ALOX12: variants seen among roughly 807,000 people sequenced by gnomAD.
ALOX12 encodes arachidonate 12-lipoxygenase, 12S type.
A neutral mutation model predicts 85.5 loss-of-function variants in ALOX12; 62 were observed. That is an observed-to-expected ratio of 0.73 (90% CI 0.59 to 0.90). The LOEUF is 0.90. Ranked by LOEUF, ALOX12 falls within the 40% of genes least tolerant of loss-of-function variation. The pLI is 0.00. For missense variants in ALOX12, 751 were observed against 856.5 expected (o/e 0.88, Z 1.54); for synonymous variants, 299 against 332.7 (o/e 0.90, Z 1.10).
intron 2 of ALOX12, 190 bp downstream of exon 2, chr17:6,997,217 TAA>T: frequency 1.1e-6 from 1 of 878,696 alleles, no homozygotes; most frequent in Non-Finnish European, 1.4e-6. Flanking sequence ...TTACACAGGC[TAA>T]GAGAGGCTGC....
chr17:7,009,581 C>T, intron 11 of ALOX12, 166 bp from the exon 12 acceptor site: 1 of 630,986 alleles, frequency 1.6e-6, no homozygotes, highest in Non-Finnish European at 2.8e-6. Context: ...CCTATGGTAA[C>T]TAAGTGTAAG....
chr17:7,006,028 G>A lies in ALOX12; in HGVS notation c.1418+1G>A, dbSNP rs1443871850. 7.3e-7 allele frequency: 1 copy of A among 1,361,100 alleles called. No homozygotes were observed. Among genetic ancestry groups the A allele is most frequent in the Non-Finnish European group, 9.8e-7 (1 of 1,021,458 alleles). The allele number at this position is 1,361,100 out of a possible 1,614,324, so 84.3% of individuals were successfully genotyped here. ...TACGGCTCTGGGAGATCATTGCCAG[G>A]TGAGTAAGGAGGAGCTGAGAAATGG... On this transcript the variant is annotated splice_donor_variant, in intron 10 of 13. Transcript: ENST00000251535. LOFTEE classifies it high-confidence loss of function.
Position 7,006,476 on chromosome 17 carries a change from C to T in ALOX12, c.1419-10C>T, listed in dbSNP as rs1359920600. On this transcript the variant is annotated splice_polypyrimidine_tract_variant and intron_variant, in intron 10 of 13. Coordinates refer to ENST00000251535, the MANE Select transcript of ALOX12 (RefSeq NM_000697.3). ...CTTTCTGCCCTCAAGTGCCTTTTCC[C>T]CCTGGGCAGGTATGTGGAGGGGATC... The T allele has an allele frequency of 1.9e-6, 3 of 1,613,428 alleles. No individual in the cohort carries two copies. The highest frequency in any genetic ancestry group is 1.7e-6 in the Non-Finnish European group (2 of 1,179,886).
chr17:6,999,232 AC>A (rs1908592263), intron 5 of ALOX12, 73 bp from the exon 6 acceptor site: 5 of 1,594,204 alleles, frequency 3.1e-6, no homozygotes, highest in Non-Finnish European at 4.3e-6. Flanking sequence ...ATATACCTGA[AC>A]CCCTGGGGTA....
Position 7,005,306 on chromosome 17 carries a change from G to A in ALOX12, c.1211G>A (p.Arg404Gln), listed in dbSNP as rs147158964. 3.9e-3 allele frequency: 6,344 copies of A among 1,613,686 alleles called. 28 individuals carry two copies. Among genetic ancestry groups the A allele is most frequent in the Non-Finnish European group, 4.5e-3 (5,276 of 1,179,770 alleles). ...RYTMEINTRA[R>Q]TQLISDGGIF... ...ACCATGGAAATCAACACCCGGGCCC[G>A]GACCCAACTCATCTCAGATGGAGGA... The change falls in exon 9 of 14, where the codon CGG becomes CAG. Residue 404 changes from arginine (R) to glutamine (Q), a missense_variant. By Grantham distance (43) the Arg-to-Gln change is conservative. Transcript: ENST00000251535.
intron 11 of ALOX12, 139 bp downstream of exon 11, chr17:7,006,746 C>A: frequency 1.7e-6 from 2 of 1,153,740 alleles, no homozygotes; most frequent in Non-Finnish European, 2.4e-6. Context: ...GCATGTGTAT[C>A]CCATTCCCAC....
rs1444054640 is a variant in ALOX12 at position 7,009,924 on chromosome 17, C to A, written c.1642-32C>A. On this transcript the variant is annotated intron_variant, in intron 12 of 13. Transcript: ENST00000251535. ...AGATGGGAGTTCAAACCCTAAGTAC[C>A]AGGGTTCTAGGGTTACAGTTTCTTC... 2.5e-6 allele frequency: 4 copies of A among 1,613,986 alleles called. No individual in the cohort carries two copies. In the Admixed American group the frequency reaches 6.7e-5, roughly 27 times the overall value.
chr17:6,999,617 GT>G (rs1908613377), intron 6 of ALOX12, 151 bp downstream of exon 6: 1 of 775,884 alleles, frequency 1.3e-6, no homozygotes, highest in Non-Finnish European at 2.0e-6. Flanking sequence ...AATAAAATAT[GT>G]AGGGGAAGAA....
At position 7,004,847 on chromosome 17, in the gene ALOX12, C is replaced by T. The variant is rs117098897; in HGVS notation, c.1162-410C>T. Among the ~76,000 whole-genome samples the T allele has an allele frequency of 5.9e-5, 9 of 152,226 alleles. No homozygotes were observed. In the East Asian group the frequency reaches 1.5e-3, roughly 26 times the overall value. On this transcript the variant is annotated intron_variant, in intron 8 of 13. Coordinates refer to ENST00000251535, the MANE Select transcript of ALOX12 (RefSeq NM_000697.3). ...TCAGAAAGGGCTGATTCATAAGGCA[C>T]CTATACTCAAGGTAGAAACAATGAA...
chr17:7,001,384 C>A (rs1006570408), intron 7 of ALOX12: 11 of 582,410 alleles, frequency 1.9e-5, no homozygotes, highest in African/African-American at 1.9e-4. Flanking sequence ...ACTGTTAGGG[C>A]CTCCTTCTGG....
intron 11 of ALOX12, among the ~76,000 whole-genome samples, chr17:7,007,745 G>A (rs199879692): frequency 4.6e-5 from 7 of 152,262 alleles, no homozygotes; most frequent in Non-Finnish European, 7.4e-5. Context: ...GCCAGGCGTC[G>A]TGGCACGCAC....
chr17:7,005,784 G>A, intron 9 of ALOX12, 74 bp from the exon 10 acceptor site: 1 of 1,516,264 alleles, frequency 6.6e-7, no homozygotes, highest in East Asian at 2.3e-5. Context: ...TCCCACATTT[G>A]CCCCACTTTA....
At position 7,005,907 on chromosome 17, in the gene ALOX12, C is replaced by T. The variant is rs1909023109; in HGVS notation, c.1298C>T (p.Ala433Val). The change falls in exon 10 of 14, where the codon GCA (alanine) becomes GTA (valine). Residue 433 changes from alanine (A) to valine (V), a missense_variant. Physicochemically the swap from Ala to Val is moderately conservative, Grantham distance 64. Transcript: ENST00000251535. ...CATGTACAGTTGCTCCGTCGGGCGG[C>T]AGCTCAGCTGACCTACTGCTCCCTC... Reference protein sequence around the residue: ...GGHVQLLRRAAAQLTYCSLCP... With the variant: ...GGHVQLLRRAVAQLTYCSLCP... The T allele has an allele frequency of 1.2e-6, 2 of 1,613,634 alleles. No individual in the cohort carries two copies. The highest frequency in any genetic ancestry group is 1.3e-5 in the African/African-American group (1 of 74,984).
At chr17:7,009,879 G>A (rs1909296609) in intron 12 of ALOX12, 32 bp downstream of exon 12, 2 of 1,613,878 alleles carry the variant, frequency 1.2e-6, no homozygotes, top group Non-Finnish European at 1.7e-6. Context: ...GGTCCCTGAA[G>A]GCAAGGTGAC....
Position 7,006,059 on chromosome 17 carries a change from C to CGGGGGG in ALOX12, c.1418+32_1418+33insGGGGGG, listed in dbSNP as rs1491546294. 4.2e-4 allele frequency: 57 copies of CGGGGGG among 135,678 alleles called. 12 individuals carry two copies. Among genetic ancestry groups the CGGGGGG allele is most frequent in the East Asian group, 3.1e-3 (8 of 2,612 alleles). 8.4% of individuals were successfully genotyped at this position (135,678 alleles called of 1,614,324 possible). A position where few individuals can be genotyped will look rare whatever the true frequency, so the allele number is the denominator to read the frequency against. On this transcript the variant is annotated intron_variant, in intron 10 of 13. Transcript: ENST00000251535. The stretch of plus-strand genomic sequence containing the variant: ...AAGGAGGAGCTGAGAAATGGTGGGG[C>CGGGGGG]CGGGGGGGGGGGGGGCTCTGGCCTG...
At chr17:7,004,634 G>A (rs1221394911) in intron 8 of ALOX12, among the ~76,000 whole-genome samples, 2 of 151,934 alleles carry the variant, frequency 1.3e-5, no homozygotes, top group Non-Finnish European at 2.9e-5. Context: ...AAGTAGGGGT[G>A]GAGAAAGATT....
At chr17:7,007,989 T>TGAGA (rs1441329042) in intron 11 of ALOX12, among the ~76,000 whole-genome samples, 1 of 152,196 alleles carries the variant, frequency 6.6e-6, no homozygotes, top group Non-Finnish European at 1.5e-5. Context: ...CAGGTTCTGG[T>TGAGA]GAGACCCCTC....
In ALOX12 at chr17:7,005,853, C is replaced by G. The variant is rs768159638; in HGVS notation, c.1249-5C>G. 1 of 1,610,812 alleles carries G rather than the reference C, an allele frequency of 6.2e-7. No homozygotes were observed. Among genetic ancestry groups the G allele is most frequent in the Non-Finnish European group, 8.5e-7 (1 of 1,179,448 alleles). ...CCCTCTAAGACCTGTGATCTCCTGTCCCAGGCAGTGAGCACAGGTGGAGGG... is the reference window on the plus strand; with the variant it reads ...CCCTCTAAGACCTGTGATCTCCTGTGCCAGGCAGTGAGCACAGGTGGAGGG... On this transcript the variant is annotated splice_region_variant and splice_polypyrimidine_tract_variant and intron_variant, in intron 9 of 13. Transcript: ENST00000251535.
At chr17:6,997,869 A>T (rs576933153) in intron 2 of ALOX12, among the ~76,000 whole-genome samples, 3 of 152,188 alleles carry the variant, frequency 2.0e-5, no homozygotes, top group African/African-American at 7.2e-5. Context: ...CCAAATAGTG[A>T]ATTTTTAACC....
Sources: gnomAD v4.1 joint callset for allele counts (sites outside exome capture counted in the v4.1 genomes callset) on GRCh38, gnomAD v4.1.1 for gene constraint, MANE v1.5 for transcripts, NCBI Gene and HGNC (gene_info 2026-07-23, HGNC 2026-07-21) for gene names.